The following DOCK3 variants were observed in gnomAD, a reference collection of about 807,000 sequenced individuals.
The protein encoded by DOCK3 is dedicator of cytokinesis protein 3.
A neutral mutation model predicts 265.6 loss-of-function variants in DOCK3; 60 were observed. The observed-to-expected ratio is 0.23, with a 90% CI of 0.18 to 0.28. The LOEUF is 0.28. DOCK3 is among the 10% of genes least tolerant of loss of function. The pLI, the probability that DOCK3 is intolerant of heterozygous loss-of-function variation, is 1.00. For synonymous variants in DOCK3, 881 were observed against 938.0 expected (o/e 0.94, Z 1.11); for missense variants, 1,981 against 2,594.3 (o/e 0.76, Z 5.14).
In DOCK3 at chr3:51,246,686, T is replaced by C. The variant is rs150434106; in HGVS notation, c.2103-40T>C. The C allele has an allele frequency of 2.8e-5, 44 of 1,581,168 alleles. No individual in the cohort carries two copies. In the East Asian group the frequency reaches 9.0e-4, roughly 32 times the overall value. On this transcript the variant is annotated intron_variant, in intron 21 of 52. Transcript: ENST00000266037. ...CAGATGTTTCAAGCTGCATTACTTT[T>C]GAATTAAAGTGGGGTTTCTGGAACT... is the stretch of plus-strand genomic sequence containing the variant.
intron 5 of DOCK3, among the ~76,000 whole-genome samples, chr3:51,058,568 A>G (rs1345679042): frequency 6.6e-6 from 1 of 152,240 alleles, no homozygotes; most frequent in Non-Finnish European, 1.5e-5. Context: ...ATGTATATGC[A>G]TTAATATACA....
chr3:51,028,225 T>C (rs2079899911), intron 5 of DOCK3, among the ~76,000 whole-genome samples: 1 of 152,226 alleles, frequency 6.6e-6, no homozygotes, highest in Non-Finnish European at 1.5e-5. Flanking sequence ...GGCATGTTTT[T>C]TCTTTAAGAA....
Position 51,356,890 on chromosome 3 carries a change from C to T in DOCK3, c.4504-72C>T, listed in dbSNP as rs561433913. 1.9e-4 allele frequency: 277 copies of T among 1,490,036 alleles called. 2 individuals are homozygous for T. In the South Asian group the frequency reaches 3.0e-3, roughly 16 times the overall value. 92.3% of individuals were successfully genotyped at this position (1,490,036 alleles called of 1,614,324 possible). A position where few individuals can be genotyped will look rare whatever the true frequency, so the allele number is the denominator to read the frequency against. On this transcript the variant is annotated intron_variant, in intron 43 of 52. Coordinates refer to ENST00000266037, the MANE Select transcript of DOCK3 (RefSeq NM_004947.5). ...GGGAATCAATACCACAGATCTTAGA[C>T]CCCAGCTCTCAGGAAGATGATGAGG...
intron 5 of DOCK3, among the ~76,000 whole-genome samples, chr3:51,020,440 G>A (rs982589273): frequency 6.6e-5 from 10 of 151,852 alleles, no homozygotes; most frequent in Admixed American, 5.2e-4. Flanking sequence ...TCTGATGATA[G>A]TTCCTTTTGC....
At chr3:51,093,610 A>G (rs2082718035) in intron 9 of DOCK3, among the ~76,000 whole-genome samples, 1 of 152,208 alleles carries the variant, frequency 6.6e-6, no homozygotes, top group African/African-American at 2.4e-5. Flanking sequence ...CTAAATTTAC[A>G]ATCATGTCAT....
intron 1 of DOCK3, among the ~76,000 whole-genome samples, chr3:50,677,162 A>G (rs2034031977): frequency 6.6e-6 from 1 of 152,230 alleles, no homozygotes; most frequent in African/African-American, 2.4e-5. Flanking sequence ...TAAATGAGAG[A>G]GACAGTTACA....
Position 50,893,195 on chromosome 3 carries a change from C to T in DOCK3, c.218+3114C>T, listed in dbSNP as rs574045449. The T allele has an allele frequency of 2.4e-4, 57 of 234,552 alleles. 1 individual carries two copies. The highest frequency in any genetic ancestry group is 2.4e-3 in the South Asian group (54 of 22,610). The allele number at this position is 234,552 out of a possible 1,614,324, so 14.5% of individuals were successfully genotyped here. ...ATGTGCAGGCCCCAAAGCAAAGCTG[C>T]AAGGAAGATGAAGGATCGGGAATAC... On this transcript the variant is annotated intron_variant, in intron 4 of 52. Transcript: ENST00000266037.
At chr3:50,967,523 C>G (rs553209845) in intron 5 of DOCK3, among the ~76,000 whole-genome samples, 1 of 152,098 alleles carries the variant, frequency 6.6e-6, no homozygotes, top group Non-Finnish European at 1.5e-5. Flanking sequence ...CCATATTAGT[C>G]CCTTTTCACA....
intron 49 of DOCK3, among the ~76,000 whole-genome samples, chr3:51,373,554 T>C (rs2087849090): frequency 6.6e-6 from 1 of 152,202 alleles, no homozygotes; most frequent in African/African-American, 2.4e-5. Context: ...CTGTGGAAGA[T>C]CTTCTTAAGG....
chr3:51,017,201 T>G (rs1041239492), intron 5 of DOCK3, among the ~76,000 whole-genome samples: 1 of 150,874 alleles, frequency 6.6e-6, no homozygotes, highest in African/African-American at 2.4e-5. Flanking sequence ...GATCCTTTGA[T>G]TTTTCTGTGG....
intron 32 of DOCK3, among the ~76,000 whole-genome samples, chr3:51,322,289 G>A (rs1488605123): frequency 5.9e-5 from 9 of 152,138 alleles, no homozygotes; most frequent in Admixed American, 6.6e-5. Flanking sequence ...TGCAAGTTCT[G>A]CCTCCTGGGT....
intron 23 of DOCK3, among the ~76,000 whole-genome samples, chr3:51,264,035 C>G (rs557867756): frequency 6.6e-6 from 1 of 152,248 alleles, no homozygotes; most frequent in African/African-American, 2.4e-5. Context: ...ATATTCAGAA[C>G]TTGAAATCAG....
chr3:50,991,370 C>T (rs1029614518), intron 5 of DOCK3, among the ~76,000 whole-genome samples: 6 of 152,180 alleles, frequency 3.9e-5, no homozygotes, highest in Non-Finnish European at 8.8e-5. Flanking sequence ...CATAGTGACA[C>T]TCATAGGCTC....
intron 46 of DOCK3, 39 bp downstream of exon 46, chr3:51,358,116 C>G (rs1560498805): frequency 6.3e-7 from 1 of 1,596,054 alleles, no homozygotes; most frequent in East Asian, 2.2e-5. Flanking sequence ...GCAGTAGAAC[C>G]AGGTGTCACT....
At chr3:50,884,248 G>A (rs193122335) in intron 3 of DOCK3, among the ~76,000 whole-genome samples, 54 of 152,020 alleles carry the variant, frequency 3.6e-4, no homozygotes, top group Non-Finnish European at 4.9e-4. Context: ...CCACCACCAC[G>A]GCCAGCTAAT....
chr3:51,061,254 C>T (rs2081397577), intron 5 of DOCK3, among the ~76,000 whole-genome samples: 1 of 152,198 alleles, frequency 6.6e-6, no homozygotes, highest in East Asian at 1.9e-4. Flanking sequence ...TATAAAGACA[C>T]ATACACACGT....
At chr3:51,281,960 A>G (rs1326390915) in intron 27 of DOCK3, among the ~76,000 whole-genome samples, 1 of 152,208 alleles carries the variant, frequency 6.6e-6, no homozygotes, top group Admixed American at 6.5e-5. Context: ...CTTTCTGCGG[A>G]AAGGGTGCAC....
intron 12 of DOCK3, 49 bp from the exon 13 acceptor site, chr3:51,208,725 C>A: frequency 6.8e-7 from 1 of 1,469,148 alleles, no homozygotes; most frequent in Non-Finnish European, 9.4e-7. Context: ...AACATCAGAC[C>A]AGTTGTTTAA....
At chr3:51,070,866 G>A (rs1388284546) in intron 6 of DOCK3, among the ~76,000 whole-genome samples, 2 of 152,012 alleles carry the variant, frequency 1.3e-5, no homozygotes, top group Non-Finnish European at 2.9e-5. Context: ...ACTGTAATGC[G>A]AGAGATCTAG....
Sources: allele counts gnomAD v4.1 joint callset (sites outside exome capture counted in the v4.1 genomes callset), GRCh38; gene constraint gnomAD v4.1.1; transcripts MANE v1.5; gene names NCBI Gene and HGNC (gene_info 2026-07-23, HGNC 2026-07-21).